Variants in FNDC3B observed in about 807,000 individuals in gnomAD.
The protein encoded by FNDC3B is fibronectin type III domain containing 3B.
In FNDC3B, 12 loss-of-function variants were observed where a neutral mutation model predicts 151.5. The ratio of observed to expected loss-of-function variants is 0.08; its 90% CI spans 0.05 to 0.13. The LOEUF (loss-of-function observed/expected upper bound fraction) is 0.13. FNDC3B is among the 10% of genes least tolerant of loss of function. FNDC3B has a pLI of 1.00. For missense variants in FNDC3B, 1,214 were observed against 1,505.3 expected (o/e 0.81, Z 3.20); for synonymous variants, 528 against 549.0 (o/e 0.96, Z 0.54).
intron 4 of FNDC3B, among the ~76,000 whole-genome samples, chr3:172,229,995 A>G (rs1159694319): frequency 1.5e-4 from 23 of 152,210 alleles, no homozygotes; most frequent in Admixed American, 1.5e-3. Context: ...ACCTCACATC[A>G]TATGCAAAAA....
chr3:172,208,809 T>C (rs1441966059), intron 3 of FNDC3B, among the ~76,000 whole-genome samples: 1 of 152,078 alleles, frequency 6.6e-6, no homozygotes, highest in Non-Finnish European at 1.5e-5. Flanking sequence ...GTCTAAATGA[T>C]TGAGCACAGG....
chr3:172,216,144 T>A (rs1725966187), intron 3 of FNDC3B, among the ~76,000 whole-genome samples: 1 of 152,224 alleles, frequency 6.6e-6, no homozygotes, highest in African/African-American at 2.4e-5. Context: ...GATGCTCTGG[T>A]GATGCCTTTG....
At chr3:172,116,436 T>TC (rs1291852823) in intron 2 of FNDC3B, among the ~76,000 whole-genome samples, 2 of 152,072 alleles carry the variant, frequency 1.3e-5, no homozygotes, top group African/African-American at 4.8e-5. Flanking sequence ...CTCTCTCCCT[T>TC]CCCCCCGTCC....
chr3:172,133,616 T>G (rs747760320), intron 3 of FNDC3B, 70 bp downstream of exon 3: 2 of 1,045,514 alleles, frequency 1.9e-6, no homozygotes, highest in Non-Finnish European at 3.0e-6. Context: ...AATGTTTTTC[T>G]GTGTGTGTCT....
chr3:172,230,337 A>AT (rs1726824538), intron 4 of FNDC3B, among the ~76,000 whole-genome samples: 2 of 121,076 alleles, frequency 1.7e-5, no homozygotes, highest in Non-Finnish European at 3.7e-5. Context: ...TACTAAAAAT[A>AT]CAAAAAAAAA....
At chr3:172,339,263 T>A (rs1236905375) in intron 16 of FNDC3B, among the ~76,000 whole-genome samples, 3 of 151,972 alleles carry the variant, frequency 2.0e-5, no homozygotes, top group African/African-American at 4.8e-5. Context: ...ATTTTGTGGT[T>A]AAAAACCTGG....
At chr3:172,231,654 T>C (rs1726895577) in intron 4 of FNDC3B, among the ~76,000 whole-genome samples, 2 of 152,172 alleles carry the variant, frequency 1.3e-5, no homozygotes, top group South Asian at 4.1e-4. Flanking sequence ...TCTTTACATA[T>C]GAGGATGCTG....
chr3:172,186,085 A>G lies in FNDC3B; in HGVS notation c.188-40786A>G, dbSNP rs1206354098. 2.0e-5 allele frequency among the ~76,000 whole-genome samples: 3 copies of G among 152,244 alleles called. No individual in the cohort carries two copies. In the East Asian group the frequency reaches 5.8e-4, roughly 29 times the overall value. On this transcript the variant is annotated intron_variant, in intron 3 of 25. Transcript: ENST00000415807. ...GAAGAGAGAAGTGAAAGCTGAAGTA[A>G]GGATTTCAAAAGTTGGGAAGCTTCA...
intron 3 of FNDC3B, chr3:172,148,672 C>T (rs929290184): frequency 6.6e-5 from 10 of 152,092 alleles, no homozygotes. Context: ...ACTTCGGGCC[C>T]TGTTTAAAAA....
chr3:172,364,471 G>A (rs1450829225), intron 23 of FNDC3B, among the ~76,000 whole-genome samples: 2 of 152,196 alleles, frequency 1.3e-5, no homozygotes, highest in Admixed American at 6.5e-5. Flanking sequence ...CCAATTCCCC[G>A]TGCCCTGCCT....
At chr3:172,254,567 T>A (rs1576843019) in intron 6 of FNDC3B, among the ~76,000 whole-genome samples, 1 of 152,298 alleles carries the variant, frequency 6.6e-6, no homozygotes, top group East Asian at 1.9e-4. Flanking sequence ...GAGTCCTGTT[T>A]TCTTAATTGC....
At chr3:172,156,363 T>C (rs929987560) in intron 3 of FNDC3B, among the ~76,000 whole-genome samples, 1 of 152,362 alleles carries the variant, frequency 6.6e-6, no homozygotes, top group Admixed American at 6.5e-5. Context: ...CGAGTTGCTG[T>C]TGTTCCCACC....
chr3:172,245,327 G>T (rs1420234757), intron 4 of FNDC3B, among the ~76,000 whole-genome samples: 3 of 152,100 alleles, frequency 2.0e-5, no homozygotes, highest in African/African-American at 7.2e-5. Flanking sequence ...CTATGTTGCT[G>T]GTTGACTTTT....
intron 11 of FNDC3B, among the ~76,000 whole-genome samples, chr3:172,328,210 C>G (rs1256076720): frequency 6.6e-6 from 1 of 152,166 alleles, no homozygotes; most frequent in East Asian, 1.9e-4. Flanking sequence ...TGACAAGAAA[C>G]TTAGAGTGAC....
intron 23 of FNDC3B, among the ~76,000 whole-genome samples, chr3:172,377,198 CAG>C (rs1202145956): frequency 3.9e-5 from 6 of 152,320 alleles, no homozygotes; most frequent in African/African-American, 1.2e-4. Context: ...TATCTGAAGA[CAG>C]TGGATTGTCC....
chr3:172,261,497 C>A (rs1576849584), intron 6 of FNDC3B, among the ~76,000 whole-genome samples: 1 of 152,194 alleles, frequency 6.6e-6, no homozygotes, highest in Non-Finnish European at 1.5e-5. Flanking sequence ...ATTCTTCATG[C>A]TTTCTGCCAT....
Position 172,177,626 on chromosome 3 carries a change from C to CTTTTTTTTTTTTTTTTTT in FNDC3B, c.187+44084_187+44101dup, listed in dbSNP as rs10684671. ...AGGAAGGAATCATTTTTACCACCAT[C>CTTTTTTTTTTTTTTTTTT]TTTTTTTTTTTTTTTTTTTTTGCAC... On this transcript the variant is annotated intron_variant, in intron 3 of 25. Transcript: ENST00000415807. Among the ~76,000 whole-genome samples the CTTTTTTTTTTTTTTTTTT allele has an allele frequency of 3.8e-3, 321 of 84,802 alleles. 21 individuals carry two copies. The highest frequency in any genetic ancestry group is 5.6e-3 in the African/African-American group (115 of 20,504). The allele number at this position is 84,802 out of a possible 152,430, so 55.6% of individuals were successfully genotyped here.
chr3:172,112,639 C>T, intron 2 of FNDC3B, 49 bp downstream of exon 2: 3 of 1,163,654 alleles, frequency 2.6e-6, no homozygotes, highest in Non-Finnish European at 2.6e-6. Flanking sequence ...AAGTGGGAAA[C>T]AGTAACACAG....
intron 11 of FNDC3B, 58 bp downstream of exon 11, chr3:172,310,939 G>A (rs1039137591): frequency 2.8e-5 from 32 of 1,152,314 alleles, no homozygotes; most frequent in African/African-American, 1.5e-5. Context: ...AAAATTAACT[G>A]AACAAATGCC....
Sources: gnomAD v4.1 joint callset for allele counts (sites outside exome capture counted in the v4.1 genomes callset) on GRCh38, gnomAD v4.1.1 for gene constraint, MANE v1.5 for transcripts, NCBI Gene and HGNC (gene_info 2026-07-23, HGNC 2026-07-21) for gene names.